Variants in RAP1B observed in about 807,000 individuals in gnomAD.
RAP1B encodes RAP1B, member of RAS oncogene family, also known as ras-related protein Rap-1b.
RAP1B carries 1 observed loss-of-function variant against 27.5 expected under a neutral mutation model. The ratio of observed to expected loss-of-function variants is 0.04; its 90% CI spans 0.01 to 0.17. The LOEUF is 0.17. Ranked by LOEUF, RAP1B falls within the 10% of genes least tolerant of loss-of-function variation. The pLI is 1.00. For synonymous variants in RAP1B, 75 were observed against 73.1 expected (o/e 1.03, Z -0.13); for missense variants, 84 against 214.8 (o/e 0.39, Z 3.81).
In RAP1B at chr12:68,621,780, A is replaced by G. The variant is rs564237762; in HGVS notation, c.-27+10737A>G. On this transcript the variant is annotated intron_variant, in intron 1 of 7. Coordinates refer to ENST00000250559, the MANE Select transcript of RAP1B (RefSeq NM_001010942.3). ...TCTTACCCATCAGAAGGTCCTATGT[A>G]GAGGATAAACTGGCATTATATTTGA... Among the ~76,000 whole-genome samples, 3 of 152,362 alleles carry G rather than the reference A, an allele frequency of 2.0e-5. No individual in the cohort carries two copies. The South Asian group carries it at 6.2e-4, about 32-fold the overall frequency.
At chr12:68,645,077 ATTCT>A (rs1179338277) in intron 1 of RAP1B, among the ~76,000 whole-genome samples, 2 of 152,152 alleles carry the variant, frequency 1.3e-5, no homozygotes, top group African/African-American at 4.8e-5. Context: ...TTCTTTCCTT[ATTCT>A]TTCTTTAATT....
At chr12:68,611,996 CT>C (rs1372692116) in intron 1 of RAP1B, among the ~76,000 whole-genome samples, 7 of 152,166 alleles carry the variant, frequency 4.6e-5, no homozygotes, top group Non-Finnish European at 7.3e-5. Flanking sequence ...GCTTTCCCCC[CT>C]CTCCCACTCT....
chr12:68,637,774 G>A (rs1194132868), intron 1 of RAP1B, among the ~76,000 whole-genome samples: 3 of 152,064 alleles, frequency 2.0e-5, no homozygotes, highest in Non-Finnish European at 4.4e-5. Context: ...AGGAAAAACT[G>A]AGTTTGGGCC....
rs1565662864 is a variant in RAP1B, at chr12:68,632,135, T to TTTTG, written c.-26-16561_-26-16560insGTTT. Among the ~76,000 whole-genome samples, 15 of 133,692 alleles carry TTTTG rather than the reference T, an allele frequency of 1.1e-4. 1 individual carries two copies. Among genetic ancestry groups the TTTTG allele is most frequent in the African/African-American group, 4.8e-4 (14 of 29,392 alleles). The allele number at this position is 133,692 out of a possible 152,430, so 87.7% of individuals were successfully genotyped here. On this transcript the variant is annotated intron_variant, in intron 1 of 7. Coordinates refer to ENST00000250559, the MANE Select transcript of RAP1B (RefSeq NM_001010942.3). ...TTTTTTGGGTTTTGGATTTGTTTTT[T>TTTTG]TTTTTTTTTTGTTTGTTTTTTTTTT...
rs1314753478 is a variant in RAP1B at position 68,669,484 on chromosome 12, CTT to C, written c.*10236_*10237del. On this transcript the variant is annotated 3_prime_UTR_variant, in exon 8 of 8. Coordinates refer to ENST00000250559, the MANE Select transcript of RAP1B (RefSeq NM_001010942.3). ...TATAGGCATGAGCCACCGTGCCAGA[CTT>C]GGGTGAGGTTTTGAAATTGAAATTA... The C allele has an allele frequency of 6.6e-6, 1 of 152,148 alleles. No homozygotes were observed. The highest frequency in any genetic ancestry group is 1.9e-4 in the East Asian group (1 of 5,200). 9.4% of individuals were successfully genotyped at this position (152,148 alleles called of 1,614,324 possible).
At position 68,668,600 on chromosome 12, in the gene RAP1B, ATAACGT is replaced by A. The variant is rs1221462687; in HGVS notation, c.*9356_*9361del. The A allele has an allele frequency of 2.0e-5, 3 of 152,222 alleles. No individual in the cohort carries two copies. Among genetic ancestry groups the A allele is most frequent in the Non-Finnish European group, 4.4e-5 (3 of 68,032 alleles). 9.4% of individuals were successfully genotyped at this position (152,222 alleles called of 1,614,324 possible). A position where few individuals can be genotyped will look rare whatever the true frequency, so the allele number is the denominator to read the frequency against. On this transcript the variant is annotated 3_prime_UTR_variant, in exon 8 of 8. Transcript: ENST00000250559. Reference sequence around the variant, plus strand: ...ACATTAACTTCTTTTCCAAAGAGAAATAACGTTAACAATCTGAAATCATCCCTGCAC... The same window carrying A: ...ACATTAACTTCTTTTCCAAAGAGAAATAACAATCTGAAATCATCCCTGCAC...
At chr12:68,620,680 A>G (rs1401232713) in intron 1 of RAP1B, among the ~76,000 whole-genome samples, 3 of 151,740 alleles carry the variant, frequency 2.0e-5, no homozygotes, top group Non-Finnish European at 4.4e-5. Flanking sequence ...GACTCACTGA[A>G]GTCTCGACCT....
At chr12:68,631,364 C>T (rs1872226829) in intron 1 of RAP1B, among the ~76,000 whole-genome samples, 1 of 152,150 alleles carries the variant, frequency 6.6e-6, no homozygotes, top group Non-Finnish European at 1.5e-5. Flanking sequence ...TAATGAAATG[C>T]TTACCATGCC....
At position 68,656,289 on chromosome 12, in the gene RAP1B, C is replaced by T. The variant is rs1040008203; in HGVS notation, c.325-17C>T. Reference sequence around the variant, plus strand: ...ATATTTACTTATTTATTTTTACTCTCACAAATGTATTTTTAGGTTCCAATG... The same window carrying T: ...ATATTTACTTATTTATTTTTACTCTTACAAATGTATTTTTAGGTTCCAATG... On this transcript the variant is annotated splice_polypyrimidine_tract_variant and intron_variant, in intron 5 of 7. Coordinates refer to ENST00000250559, the MANE Select transcript of RAP1B (RefSeq NM_001010942.3). 4 of 1,583,216 alleles carry T rather than the reference C, an allele frequency of 2.5e-6. No individual in the cohort carries two copies. Among genetic ancestry groups the T allele is most frequent in the Non-Finnish European group, 2.6e-6 (3 of 1,153,808 alleles).
In RAP1B at chr12:68,669,028, CT is replaced by C. The variant is rs1221344462; in HGVS notation, c.*9783del. ...ATATAGACACTGGAAAATAAAATTACTTTTGCTTGTATTATAAGTGAATACC... is the reference window on the plus strand; with the variant it reads ...ATATAGACACTGGAAAATAAAATTACTTTGCTTGTATTATAAGTGAATACC... On this transcript the variant is annotated 3_prime_UTR_variant, in exon 8 of 8. Coordinates refer to ENST00000250559, the MANE Select transcript of RAP1B (RefSeq NM_001010942.3). 6.6e-6 allele frequency: 1 copy of C among 152,128 alleles called. No individual in the cohort carries two copies. Among genetic ancestry groups the C allele is most frequent in the Non-Finnish European group, 1.5e-5 (1 of 68,014 alleles). 9.4% of individuals were successfully genotyped at this position (152,128 alleles called of 1,614,324 possible).
chr12:68,655,488 G>C (rs1200969881), intron 5 of RAP1B, among the ~76,000 whole-genome samples: 1 of 149,836 alleles, frequency 6.7e-6, no homozygotes, highest in Non-Finnish European at 1.5e-5. Context: ...TTTTTAATTT[G>C]TAAATCCATT....
At chr12:68,651,754 T>C in intron 3 of RAP1B, 1 of 456,044 alleles carries the variant, frequency 2.2e-6, no homozygotes, top group Non-Finnish European at 4.0e-6. Context: ...CTGGTTCGTG[T>C]AGGTTTCCCT....
chr12:68,667,712 A>G lies in RAP1B; in HGVS notation c.*8463A>G, dbSNP rs950742508. 1 of 152,220 alleles carries G rather than the reference A, an allele frequency of 6.6e-6. No individual in the cohort carries two copies. Among genetic ancestry groups the G allele is most frequent in the Admixed American group, 6.5e-5 (1 of 15,282 alleles). 9.4% of individuals were successfully genotyped at this position (152,220 alleles called of 1,614,324 possible). On this transcript the variant is annotated 3_prime_UTR_variant, in exon 8 of 8. Transcript: ENST00000250559. Reference sequence around the variant, plus strand: ...TCATTCTCTATAAGAGCTGTTGTGGAAAAAGTTCTCACTTCACTTACTCAT... The same window carrying G: ...TCATTCTCTATAAGAGCTGTTGTGGGAAAAGTTCTCACTTCACTTACTCAT...
chr12:68,616,915 C>A (rs1211621592), intron 1 of RAP1B, among the ~76,000 whole-genome samples: 2 of 152,090 alleles, frequency 1.3e-5, no homozygotes, highest in Non-Finnish European at 2.9e-5. Flanking sequence ...GAACTGATTG[C>A]CGAAGTGGTG....
At chr12:68,638,337 G>A (rs575982620) in intron 1 of RAP1B, among the ~76,000 whole-genome samples, 1 of 152,210 alleles carries the variant, frequency 6.6e-6, no homozygotes, top group Admixed American at 6.5e-5. Context: ...AGGATGTCAT[G>A]TCCGTGCCCT....
At chr12:68,615,995 A>T (rs1273854571) in intron 1 of RAP1B, among the ~76,000 whole-genome samples, 1 of 150,434 alleles carries the variant, frequency 6.6e-6, no homozygotes, top group African/African-American at 2.4e-5. Flanking sequence ...ATGGAGTCCC[A>T]CTCTGTCGCC....
At chr12:68,625,168 A>G (rs1287049308) in intron 1 of RAP1B, among the ~76,000 whole-genome samples, 1 of 152,254 alleles carries the variant, frequency 6.6e-6, no homozygotes. Flanking sequence ...CAAGTAAGTA[A>G]TTAAGTGTTT....
At chr12:68,645,729 A>G (rs1422186427) in intron 1 of RAP1B, among the ~76,000 whole-genome samples, 1 of 152,250 alleles carries the variant, frequency 6.6e-6, no homozygotes, top group Non-Finnish European at 1.5e-5. Context: ...CAGAGTTGGC[A>G]TTCGCAATAA....
chr12:68,656,542 A>G (rs753352044), intron 6 of RAP1B, 93 bp downstream of exon 6: 3 of 1,287,946 alleles, frequency 2.3e-6, no homozygotes, highest in Admixed American at 3.6e-5. Flanking sequence ...ATATGTACTC[A>G]GGGTAATATG....
Sources: allele counts gnomAD v4.1 joint callset (sites outside exome capture counted in the v4.1 genomes callset), GRCh38; gene constraint gnomAD v4.1.1; transcripts MANE v1.5; gene names NCBI Gene and HGNC (gene_info 2026-07-23, HGNC 2026-07-21).